CCSER1: variants seen among roughly 807,000 people sequenced by gnomAD.
CCSER1 encodes the protein coiled-coil serine rich protein 1.
A neutral mutation model predicts 82.0 loss-of-function variants in CCSER1; 41 were observed. That is an observed-to-expected ratio of 0.50 (90% CI 0.39 to 0.65). The LOEUF (loss-of-function observed/expected upper bound fraction) is 0.65, where lower values mean the gene tolerates loss of function less well. Among genes scored for constraint, CCSER1 ranks in the 30% least tolerant of loss-of-function variants. CCSER1 has a pLI of 0.00. For synonymous variants in CCSER1, 414 were observed against 383.9 expected (o/e 1.08, Z -0.92); for missense variants, 1,119 against 1,064.2 (o/e 1.05, Z -0.72).
chr4:90,544,612 G>T (rs976530899), intron 5 of CCSER1, among the ~76,000 whole-genome samples: 79 of 151,982 alleles, frequency 5.2e-4, no homozygotes, highest in Admixed American at 4.3e-3. Context: ...CTGCCCGTAT[G>T]GCTAGTCTTA....
At chr4:91,543,580 T>C (rs544306688) in intron 10 of CCSER1, among the ~76,000 whole-genome samples, 9 of 152,298 alleles carry the variant, frequency 5.9e-5, no homozygotes, top group African/African-American at 2.2e-4. Context: ...TGGCTGGATA[T>C]GAAATCTGAG....
At chr4:91,209,724 C>T (rs759912209) in intron 10 of CCSER1, among the ~76,000 whole-genome samples, 8 of 151,740 alleles carry the variant, frequency 5.3e-5, no homozygotes, top group East Asian at 1.9e-4. Context: ...ATGCTGGCCT[C>T]GTAGAATGAA....
intron 10 of CCSER1, among the ~76,000 whole-genome samples, chr4:91,444,669 C>T (rs1755436200): frequency 6.6e-6 from 1 of 152,176 alleles, no homozygotes; most frequent in South Asian, 2.1e-4. Context: ...AGGCTGGTCT[C>T]AAACTCCTGA....
chr4:91,386,600 C>A (rs1417105287), intron 10 of CCSER1, among the ~76,000 whole-genome samples: 2 of 151,976 alleles, frequency 1.3e-5, no homozygotes, highest in East Asian at 3.9e-4. Context: ...TGATGCGGAG[C>A]ATGGTTTAAA....
At chr4:91,034,542 CA>C (rs1554059339) in intron 9 of CCSER1, among the ~76,000 whole-genome samples, 47 of 55,810 alleles carry the variant, frequency 8.4e-4, no homozygotes, top group East Asian at 1.6e-3. Flanking sequence ...AAATTTCATA[CA>C]CCCCCCCCAA....
chr4:91,233,195 C>T (rs1738756004), intron 10 of CCSER1, among the ~76,000 whole-genome samples: 1 of 151,822 alleles, frequency 6.6e-6, no homozygotes, highest in Non-Finnish European at 1.5e-5. Flanking sequence ...AAGCACTCTT[C>T]TCCAAGCGAC....
intron 7 of CCSER1, chr4:90,781,392 C>T (rs1315019956): frequency 2.0e-6 from 2 of 985,290 alleles, no homozygotes; most frequent in Non-Finnish European, 2.4e-6. Context: ...GGCTTTGAGC[C>T]CCTGTCCCAT....
intron 7 of CCSER1, among the ~76,000 whole-genome samples, chr4:90,736,663 A>G (rs1480651679): frequency 6.6e-6 from 1 of 151,868 alleles, no homozygotes; most frequent in African/African-American, 2.4e-5. Context: ...CAGCCACTCT[A>G]TGACTTTCAA....
At chr4:91,085,874 A>T (rs1233857988) in intron 9 of CCSER1, 76 bp from the exon 10 acceptor site, 17 of 849,014 alleles carry the variant, frequency 2.0e-5, no homozygotes, top group African/African-American at 3.4e-5. Flanking sequence ...CCTTTATTTC[A>T]AAATTATTGC....
At chr4:90,536,729 T>C (rs1279159711) in intron 5 of CCSER1, among the ~76,000 whole-genome samples, 1 of 152,224 alleles carries the variant, frequency 6.6e-6, no homozygotes, top group Non-Finnish European at 1.5e-5. Flanking sequence ...GATGCTGCAT[T>C]GAATTTAGTC....
chr4:90,901,244 G>C (rs34375703), intron 8 of CCSER1, among the ~76,000 whole-genome samples: 1 of 150,712 alleles, frequency 6.6e-6, no homozygotes. Flanking sequence ...TTTTTAATCC[G>C]ATTTTCCATT....
At chr4:90,835,268 T>C (rs1476443432) in intron 8 of CCSER1, among the ~76,000 whole-genome samples, 1 of 152,108 alleles carries the variant, frequency 6.6e-6, no homozygotes, top group African/African-American at 2.4e-5. Flanking sequence ...GAGGGGGAGC[T>C]TGCAGTGAGC....
chr4:91,150,211 A>T (rs899250069), intron 10 of CCSER1, among the ~76,000 whole-genome samples: 1 of 152,076 alleles, frequency 6.6e-6, no homozygotes, highest in Non-Finnish European at 1.5e-5. Context: ...TGTAAGTTGG[A>T]TTCCTAAGTA....
At chr4:90,759,683 A>G (rs1419081256) in intron 7 of CCSER1, among the ~76,000 whole-genome samples, 1 of 152,162 alleles carries the variant, frequency 6.6e-6, no homozygotes, top group Non-Finnish European at 1.5e-5. Flanking sequence ...AGAACTCACG[A>G]AGAACTAGAA....
chr4:90,229,677 A>G (rs1578623888), intron 1 of CCSER1, among the ~76,000 whole-genome samples: 1 of 152,210 alleles, frequency 6.6e-6, no homozygotes, highest in Non-Finnish European at 1.5e-5. Flanking sequence ...CAGACTGGCA[A>G]ATTGGATAAA....
intron 5 of CCSER1, among the ~76,000 whole-genome samples, chr4:90,483,109 C>T (rs1399590271): frequency 2.0e-5 from 3 of 152,136 alleles, no homozygotes; most frequent in Non-Finnish European, 2.9e-5. Flanking sequence ...TTGAATTGAT[C>T]CCTTTACCAT....
At chr4:90,720,331 TGTTA>T (rs1266284972) in intron 6 of CCSER1, among the ~76,000 whole-genome samples, 1 of 151,616 alleles carries the variant, frequency 6.6e-6, no homozygotes, top group Non-Finnish European at 1.5e-5. Flanking sequence ...AGGCACTGGG[TGTTA>T]GTAAGGATAT....
At chr4:90,260,110 C>A (rs922878610) in intron 1 of CCSER1, among the ~76,000 whole-genome samples, 1 of 152,038 alleles carries the variant, frequency 6.6e-6, no homozygotes, top group African/African-American at 2.4e-5. Flanking sequence ...TTTTCACTGG[C>A]AATTTTTTAA....
intron 4 of CCSER1, among the ~76,000 whole-genome samples, chr4:90,453,536 G>C (rs962145975): frequency 6.6e-6 from 1 of 152,178 alleles, no homozygotes; most frequent in Non-Finnish European, 1.5e-5. Context: ...ACCGAGACCA[G>C]TGTGGCAATT....
Sources: allele counts gnomAD v4.1 joint callset (sites outside exome capture counted in the v4.1 genomes callset), GRCh38; gene constraint gnomAD v4.1.1; transcripts MANE v1.5; gene names NCBI Gene and HGNC (gene_info 2026-07-23, HGNC 2026-07-21).